Variants in EEIG2 observed in about 807,000 individuals in gnomAD.
EEIG2 encodes family with sequence similarity 102 member B.
the EEIG2 span, chr1:108,560,327 G>C: frequency 7.2e-6 from 7 of 971,138 alleles, no homozygotes; most frequent in South Asian, 1.2e-4. Flanking sequence ...CCCGCGCACA[G>C]CTCGCGGCCC....
chr1:108,584,514 T>A, the EEIG2 span, among the ~76,000 whole-genome samples: 13 of 152,156 alleles, frequency 8.5e-5, no homozygotes, highest in Admixed American at 5.9e-4. Flanking sequence ...GTTTGCTTTG[T>A]TTTATTTAAG....
At chr1:108,636,926 ATAT>A in the EEIG2 span, 1 of 152,180 alleles carries the variant, frequency 6.6e-6, no homozygotes, top group Non-Finnish European at 1.5e-5. Context: ...TATTTTCAAA[ATAT>A]TATTTCTAGG....
chr1:108,594,248 A>C, the EEIG2 span, among the ~76,000 whole-genome samples: 5 of 152,324 alleles, frequency 3.3e-5, no homozygotes, highest in African/African-American at 1.2e-4. Flanking sequence ...ACTGCAAAGA[A>C]ATAGTCACAT....
At chr1:108,581,901 G>A in the EEIG2 span, among the ~76,000 whole-genome samples, 1 of 152,252 alleles carries the variant, frequency 6.6e-6, no homozygotes, top group Non-Finnish European at 1.5e-5. Flanking sequence ...TGAGTAAAAT[G>A]CTGTCAAACA....
chr1:108,561,551 T>A, the EEIG2 span, among the ~76,000 whole-genome samples: 1 of 152,102 alleles, frequency 6.6e-6, no homozygotes, highest in African/African-American at 2.4e-5. Flanking sequence ...GGAAATAATG[T>A]CACTGGATTG....
chr1:108,602,667 C>T, the EEIG2 span, among the ~76,000 whole-genome samples: 1 of 151,932 alleles, frequency 6.6e-6, no homozygotes, highest in Non-Finnish European at 1.5e-5. Context: ...ATTGCTTGAG[C>T]CCAGGATTTT....
chr1:108,606,284 CATGTA>C, the EEIG2 span: 1 of 1,477,540 alleles, frequency 6.8e-7, no homozygotes, highest in Non-Finnish European at 9.2e-7. Context: ...TGTTTTGGAA[CATGTA>C]ATGTTGCTTA....
chr1:108,596,887 C>T, the EEIG2 span, among the ~76,000 whole-genome samples: 3 of 151,912 alleles, frequency 2.0e-5, no homozygotes, highest in Admixed American at 6.6e-5. Context: ...TACAGGTGCA[C>T]GCCACCATAA....
chr1:108,562,960 G>C, the EEIG2 span, among the ~76,000 whole-genome samples: 1 of 152,130 alleles, frequency 6.6e-6, no homozygotes, highest in East Asian at 1.9e-4. Flanking sequence ...TTGAACGCTA[G>C]ATTTTAACTT....
chr1:108,607,659 G>GTAAA, the EEIG2 span, among the ~76,000 whole-genome samples: 36 of 152,132 alleles, frequency 2.4e-4, no homozygotes, highest in Admixed American at 2.4e-3. Context: ...CCCTGTCTCA[G>GTAAA]TAAATAAATA....
At chr1:108,597,877 A>T in the EEIG2 span, among the ~76,000 whole-genome samples, 1 of 152,212 alleles carries the variant, frequency 6.6e-6, no homozygotes, top group Non-Finnish European at 1.5e-5. Flanking sequence ...ATCATATATC[A>T]GTGGTCTCAG....
chr1:108,631,745 T>C, the EEIG2 span, among the ~76,000 whole-genome samples: 6 of 152,222 alleles, frequency 3.9e-5, no homozygotes, highest in African/African-American at 1.4e-4. Flanking sequence ...TCAATTCTTA[T>C]GTAGTAGTAT....
the EEIG2 span, chr1:108,624,826 G>A: frequency 8.5e-7 from 1 of 1,179,876 alleles, no homozygotes; most frequent in Non-Finnish European, 1.3e-6. Context: ...GGAATTGTGT[G>A]GGTATTTGAC....
the EEIG2 span, among the ~76,000 whole-genome samples, chr1:108,621,166 CAAATT>C: frequency 3.9e-5 from 6 of 152,284 alleles, no homozygotes; most frequent in African/African-American, 1.2e-4. Context: ...ATAAAGCAAT[CAAATT>C]AAAGTAATCC....
chr1:108,604,662 C>T, the EEIG2 span, among the ~76,000 whole-genome samples: 1 of 151,976 alleles, frequency 6.6e-6, no homozygotes, highest in Admixed American at 6.6e-5. Context: ...TCACCTACTA[C>T]TGAGATGTTG....
chr1:108,607,714 T>C, the EEIG2 span, among the ~76,000 whole-genome samples: 1 of 152,198 alleles, frequency 6.6e-6, no homozygotes, highest in African/African-American at 2.4e-5. Context: ...AGCAGGGCAT[T>C]GATTCTGGGC....
At chr1:108,609,054 G>A in the EEIG2 span, among the ~76,000 whole-genome samples, 1 of 152,148 alleles carries the variant, frequency 6.6e-6, no homozygotes, top group African/African-American at 2.4e-5. Flanking sequence ...CCCTTTTGGG[G>A]GTTAGGGTTT....
the EEIG2 span, among the ~76,000 whole-genome samples, chr1:108,607,589 T>TGTG: frequency 6.6e-6 from 1 of 152,154 alleles, no homozygotes; most frequent in Admixed American, 6.5e-5. Context: ...TTTGGGAGGC[T>TGTG]GTGGTGGGAG....
At chr1:108,634,904 A>G in the EEIG2 span, among the ~76,000 whole-genome samples, 3 of 152,344 alleles carry the variant, frequency 2.0e-5, no homozygotes, top group South Asian at 2.1e-4. Flanking sequence ...GTGTGAGAGA[A>G]TCAGGATCTA....
Sources: allele counts gnomAD v4.1 joint callset (sites outside exome capture counted in the v4.1 genomes callset), GRCh38; gene constraint gnomAD v4.1.1; transcripts MANE v1.5; gene names NCBI Gene and HGNC (gene_info 2026-07-23, HGNC 2026-07-21).